KDM1B: variants seen among roughly 807,000 people sequenced by gnomAD.
KDM1B encodes lysine-specific histone demethylase 2.
KDM1B carries 63 observed loss-of-function variants against 107.4 expected under a neutral mutation model. That is an observed-to-expected ratio of 0.59 (90% CI 0.48 to 0.72). KDM1B has a LOEUF of 0.72. KDM1B is among the 30% of genes least tolerant of loss of function. The pLI is 0.00. For missense variants in KDM1B, 749 were observed against 1,020.8 expected, an observed-to-expected ratio of 0.73 and a Z score of 3.63; for synonymous variants, 363 against 363.9, an observed-to-expected ratio of 1.00 and a Z score of 0.03.
chr6:18,175,389 T>C (rs1785925946), intron 7 of KDM1B, among the ~76,000 whole-genome samples: 1 of 152,220 alleles, frequency 6.6e-6, no homozygotes, highest in Non-Finnish European at 1.5e-5. Context: ...AGTAGTCCTT[T>C]GTCAGATGTA....
chr6:18,206,264 C>G (rs1046662678), intron 15 of KDM1B, among the ~76,000 whole-genome samples: 4 of 151,844 alleles, frequency 2.6e-5, no homozygotes, highest in Non-Finnish European at 4.4e-5. Context: ...TTCTGTAATC[C>G]CAGCACTTTG....
chr6:18,213,624 A>T lies in KDM1B; in HGVS notation c.1984-32A>T. On this transcript the variant is annotated intron_variant, in intron 18 of 21. Transcript: ENST00000650836. This position sits in a 1 kb window ranked among gnomAD's most constrained non-coding sequence, Gnocchi z 5.9. ...TGCCTGTGGTTTTGTGACGACAGAC[A>T]CCTAACCACCTTTCTTCTGCTCACT... 6.2e-7 allele frequency: 1 copy of T among 1,612,982 alleles called. No individual in the cohort carries two copies. The highest frequency in any genetic ancestry group is 1.1e-5 in the South Asian group (1 of 91,034).
intron 7 of KDM1B, among the ~76,000 whole-genome samples, chr6:18,173,880 G>A (rs1195607869): frequency 6.6e-6 from 1 of 152,036 alleles, no homozygotes; most frequent in Non-Finnish European, 1.5e-5. Context: ...CCGCCTCCCG[G>A]GTTCAAGCGA....
At position 18,157,036 on chromosome 6, in the gene KDM1B, C is replaced by G. The variant is rs112684024; in HGVS notation, c.-14+1110C>G. Reference sequence around the variant, plus strand: ...TTACCAAAAAATCCCACTTTTTTATCACATTAAAAGAAAACCAAAGCCAAA... The same window carrying G: ...TTACCAAAAAATCCCACTTTTTTATGACATTAAAAGAAAACCAAAGCCAAA... On this transcript the variant is annotated intron_variant, in intron 2 of 21. Transcript: ENST00000650836. Among the ~76,000 whole-genome samples, 1,506 of 152,180 alleles carry G rather than the reference C, an allele frequency of 9.9e-3. 28 individuals are homozygous for G. The highest frequency in any genetic ancestry group is 0.035 in the African/African-American group (1,442 of 41,524).
rs759944929 is a variant in KDM1B, at chr6:18,223,269, A to C, written c.*1277A>C. ...AAATTTAAAAGTAGGTCAGTTTATA[A>C]CGAGTAAATACCTAACACACCAAGA... On this transcript the variant is annotated 3_prime_UTR_variant, in exon 22 of 22. Coordinates refer to ENST00000650836, the MANE Select transcript of KDM1B (RefSeq NM_001364614.2). 5 of 152,424 alleles carry C rather than the reference A, an allele frequency of 3.3e-5. No individual in the cohort carries two copies. Among genetic ancestry groups the C allele is most frequent in the African/African-American group, 7.2e-5 (3 of 41,384 alleles). 9.4% of individuals were successfully genotyped at this position (152,424 alleles called of 1,614,324 possible). A position where few individuals can be genotyped will look rare whatever the true frequency, so the allele number is the denominator to read the frequency against.
chr6:18,192,257 G>T (rs1787326410), intron 10 of KDM1B, among the ~76,000 whole-genome samples: 1 of 152,074 alleles, frequency 6.6e-6, no homozygotes, highest in Admixed American at 6.5e-5. Flanking sequence ...ATGAGACCCT[G>T]TTTCCAAAAA....
Position 18,214,925 on chromosome 6 carries a change from A to C in KDM1B, c.2110-82A>C. 2 of 1,420,930 alleles carry C rather than the reference A, an allele frequency of 1.4e-6. No homozygotes were observed. The highest frequency in any genetic ancestry group is 1.9e-6 in the Non-Finnish European group (2 of 1,064,958). The allele number at this position is 1,420,930 out of a possible 1,614,324, so 88.0% of individuals were successfully genotyped here. The stretch of plus-strand genomic sequence containing the variant: ...ACTCTGTCTCATTTAAAACAAAACA[A>C]AACAAAAAACAAAAAAAAGAGGCCC... On this transcript the variant is annotated intron_variant, in intron 19 of 21. Transcript: ENST00000650836. The surrounding 1 kb of genome is among the most constrained non-coding windows in gnomAD (Gnocchi z 4.4).
rs778572531 is a variant in KDM1B at position 18,159,939 on chromosome 6, A to G, written c.44A>G (p.Asp15Gly). The G allele has an allele frequency of 3.1e-6, 5 of 1,610,346 alleles. No individual in the cohort carries two copies. Among genetic ancestry groups the G allele is most frequent in the Non-Finnish European group, 4.2e-6 (5 of 1,178,804 alleles). The change falls in exon 3 of 22, where the codon GAT (aspartate) becomes GGT (glycine). Residue 15 changes from aspartate (D) to glycine (G), a missense_variant. By Grantham distance (94) the Asp-to-Gly change is moderately conservative. Coordinates refer to ENST00000650836, the MANE Select transcript of KDM1B (RefSeq NM_001364614.2). The surrounding 1 kb of genome is among the most constrained non-coding windows in gnomAD (Gnocchi z 4.5). ...AGGACAAAGAAAAAAGCATCTTTTGATCATTCTCCGGATAGCCTTCCTTTG... is the reference window on the plus strand; with the variant it reads ...AGGACAAAGAAAAAAGCATCTTTTGGTCATTCTCCGGATAGCCTTCCTTTG... Reference protein sequence around the residue: ...RGRTKKKASFDHSPDSLPLRS... With the variant: ...RGRTKKKASFGHSPDSLPLRS...
intron 6 of KDM1B, among the ~76,000 whole-genome samples, chr6:18,171,103 A>C (rs1785635423): frequency 6.6e-6 from 1 of 152,214 alleles, no homozygotes; most frequent in Non-Finnish European, 1.5e-5. Context: ...TACAGGCGTG[A>C]GCCACTGCAC....
intron 17 of KDM1B, among the ~76,000 whole-genome samples, chr6:18,208,599 GTATGTA>G (rs1554149788): frequency 2.7e-4 from 11 of 40,690 alleles, no homozygotes; most frequent in Non-Finnish European, 1.3e-4. Context: ...AGAAGTATGT[GTATGTA>G]TATATATATA....
intron 2 of KDM1B, among the ~76,000 whole-genome samples, 175 bp downstream of exon 2, chr6:18,156,101 G>T (rs1255237412): frequency 6.6e-6 from 1 of 152,168 alleles, no homozygotes; most frequent in African/African-American, 2.4e-5. Context: ...CTTCCCGGCC[G>T]ATAGGGTGCG....
intron 14 of KDM1B, among the ~76,000 whole-genome samples, chr6:18,202,925 G>T (rs528249843): frequency 6.6e-6 from 1 of 152,304 alleles, no homozygotes; most frequent in South Asian, 2.1e-4. Context: ...ATCAAATGTT[G>T]TAGTGTCCAG....
chr6:18,221,856 G>A, intron 21 of KDM1B, 53 bp from the exon 22 acceptor site: 1 of 1,381,058 alleles, frequency 7.2e-7, no homozygotes, highest in African/African-American at 1.7e-5. Flanking sequence ...TTTACCTTTT[G>A]ATATCAACTC....
chr6:18,197,077 A>G lies in KDM1B; in HGVS notation c.990A>G (p.Lys330=), dbSNP rs1329463116. 5.0e-6 allele frequency: 8 copies of G among 1,613,052 alleles called. No individual in the cohort carries two copies. In the East Asian group the frequency reaches 8.9e-5, roughly 18 times the overall value. Residue 330 remains lysine (K), a synonymous_variant, in exon 11 of 22, where the codon AAA becomes AAG. Transcript: ENST00000650836. This position sits in a 1 kb window ranked among gnomAD's most constrained non-coding sequence, Gnocchi z 4.5. ...TNCKEALTPQ[K]CIPHIIVRGL... is the part of the protein sequence containing the mutation. Reference sequence around the variant, plus strand: ...CACAGGAAGCTCTTACTCCTCAGAAATGTATTCCTCACATCATCGTCCGGG... The same window carrying G: ...CACAGGAAGCTCTTACTCCTCAGAAGTGTATTCCTCACATCATCGTCCGGG...
In KDM1B at chr6:18,210,689, A is replaced by AT. The variant is rs551515992; in HGVS notation, c.1867-1795dup. Among the ~76,000 whole-genome samples, 3 of 151,818 alleles carry AT rather than the reference A, an allele frequency of 2.0e-5. No individual in the cohort carries two copies. In the South Asian group the frequency reaches 6.3e-4, roughly 32 times the overall value. On this transcript the variant is annotated intron_variant, in intron 17 of 21. Transcript: ENST00000650836. ...TCAAGTTCTTATGCTTTTCAGTGCT[A>AT]TTTTGTCATTAAGAAAACATCTAGA...
In KDM1B at chr6:18,208,221, A is replaced by G. The variant is rs751916706; in HGVS notation, c.1866+15A>G. The G allele has an allele frequency of 2.5e-6, 4 of 1,591,130 alleles. No individual in the cohort carries two copies. The highest frequency in any genetic ancestry group is 2.7e-5 in the African/African-American group (2 of 74,036). ...CTGCACAAAAGGTAAGAGCTAGGGCAGTACAAGGGTGGGTAGAAACCTTTG... is the reference window on the plus strand; with the variant it reads ...CTGCACAAAAGGTAAGAGCTAGGGCGGTACAAGGGTGGGTAGAAACCTTTG... On this transcript the variant is annotated intron_variant, in intron 17 of 21. Transcript: ENST00000650836.
Position 18,222,105 on chromosome 6 carries a change from A to G in KDM1B, c.*113A>G. 2 of 947,200 alleles carry G rather than the reference A, an allele frequency of 2.1e-6. No individual in the cohort carries two copies. The highest frequency in any genetic ancestry group is 1.6e-5 in the African/African-American group (1 of 61,640). The allele number at this position is 947,200 out of a possible 1,614,324, so 58.7% of individuals were successfully genotyped here. A position where few individuals can be genotyped will look rare whatever the true frequency, so the allele number is the denominator to read the frequency against. On this transcript the variant is annotated 3_prime_UTR_variant, in exon 22 of 22. Transcript: ENST00000650836. Reference sequence around the variant, plus strand: ...AACCGTCTCTACATAGTAAAACTGAAATGTTTCTAAGGCGATATGATAATG... The same window carrying G: ...AACCGTCTCTACATAGTAAAACTGAGATGTTTCTAAGGCGATATGATAATG...
At position 18,214,983 on chromosome 6, in the gene KDM1B, C is replaced by A; in HGVS notation, c.2110-24C>A. ...TGGGAGCTGAGCACTCACAGACCTC[C>A]TGCTTTTCCTTTCATGTCTCCAGAA... On this transcript the variant is annotated intron_variant, in intron 19 of 21. Coordinates refer to ENST00000650836, the MANE Select transcript of KDM1B (RefSeq NM_001364614.2). This position sits in a 1 kb window ranked among gnomAD's most constrained non-coding sequence, Gnocchi z 4.4. The A allele has an allele frequency of 1.2e-6, 2 of 1,612,638 alleles. No individual in the cohort carries two copies. The highest frequency in any genetic ancestry group is 1.7e-6 in the Non-Finnish European group (2 of 1,179,310).
intron 6 of KDM1B, among the ~76,000 whole-genome samples, chr6:18,167,320 G>C (rs1287280923): frequency 6.6e-6 from 1 of 151,044 alleles, no homozygotes; most frequent in East Asian, 2.0e-4. Flanking sequence ...TCGTGCCACT[G>C]CACTCCAGCC....
Sources: gnomAD v4.1 joint callset for allele counts (sites outside exome capture counted in the v4.1 genomes callset) on GRCh38, gnomAD v4.1.1 for gene constraint, Gnocchi (gnomAD v3.1) non-coding constraint, MANE v1.5 for transcripts, NCBI Gene and HGNC (gene_info 2026-07-23, HGNC 2026-07-21) for gene names.